NFILZ: variants seen among roughly 807,000 people sequenced by gnomAD.
The protein encoded by NFILZ is NFIL3 like basic leucine zipper.
intron 3 of NFILZ, among the ~76,000 whole-genome samples, chr19:8,660,588 C>T (rs4804323): frequency 1.2e-4 from 15 of 127,530 alleles, no homozygotes; most frequent in Non-Finnish European, 2.3e-4. Context: ...TCCCTCCTTC[C>T]TTCCTTCCTT....
At chr19:8,641,272 G>A (rs1189107103) in intron 3 of NFILZ, among the ~76,000 whole-genome samples, 1 of 151,546 alleles carries the variant, frequency 6.6e-6, no homozygotes, top group Non-Finnish European at 1.5e-5. Context: ...GGCTGGTCTT[G>A]AACTCCCAGG....
At chr19:8,664,039 C>T (rs1226685881) in intron 3 of NFILZ, among the ~76,000 whole-genome samples, 1 of 152,034 alleles carries the variant, frequency 6.6e-6, no homozygotes, top group Non-Finnish European at 1.5e-5. Context: ...GCTCCAAGAC[C>T]GAGATGAATT....
Position 8,654,074 on chromosome 19 carries a change from AC to A in NFILZ, c.-164+18329del, listed in dbSNP as rs1341765959. 1.2e-4 allele frequency among the ~76,000 whole-genome samples: 18 copies of A among 152,214 alleles called. No individual in the cohort carries two copies. In the East Asian group the frequency reaches 3.5e-3, roughly 29 times the overall value. ...GTGAAACCCTGTCTGTACTAAAAAC[AC>A]AAAAAAATTAGCTGAGCATGGTGGC... On this transcript the variant is annotated intron_variant, in intron 3 of 5. Transcript: ENST00000691075.
At chr19:8,649,936 G>A (rs1352013530) in intron 3 of NFILZ, among the ~76,000 whole-genome samples, 3 of 151,630 alleles carry the variant, frequency 2.0e-5, no homozygotes, top group Non-Finnish European at 2.9e-5. Flanking sequence ...CTAACATGGT[G>A]AAACCCCGTC....
At position 8,678,066 on chromosome 19, in the gene NFILZ, A is replaced by T. The variant is rs1450340728; in HGVS notation, c.*431A>T. Among the ~76,000 whole-genome samples the T allele has an allele frequency of 2.0e-4, 1 of 4,938 alleles. No individual in the cohort carries two copies. The highest frequency in any genetic ancestry group is 5.1e-4 in the Non-Finnish European group (1 of 1,948). The allele number at this position is 4,938 out of a possible 152,430, so 3.2% of individuals were successfully genotyped here. On this transcript the variant is annotated 3_prime_UTR_variant, in exon 6 of 6. Transcript: ENST00000691075. The stretch of plus-strand genomic sequence containing the variant: ...CATCCATCCATCCACCCATCTATTC[A>T]TCCATCCATCAATCCATCCATCCAT...
chr19:8,664,665 A>G, intron 3 of NFILZ, among the ~76,000 whole-genome samples: 1 of 152,070 alleles, frequency 6.6e-6, no homozygotes, highest in East Asian at 1.9e-4. Context: ...ACCCCGTGGA[A>G]ATGTGGCCCT....
At chr19:8,672,399 AT>A (rs1465786713) in intron 3 of NFILZ, among the ~76,000 whole-genome samples, 1 of 152,060 alleles carries the variant, frequency 6.6e-6, no homozygotes, top group Non-Finnish European at 1.5e-5. Context: ...ATTCCAAAAA[AT>A]ATTCATGCAT....
chr19:8,653,003 C>CTTT (rs1600145535), intron 3 of NFILZ, among the ~76,000 whole-genome samples: 54 of 41,174 alleles, frequency 1.3e-3, no homozygotes, highest in East Asian at 2.2e-3. Flanking sequence ...TTCCTTCCTT[C>CTTT]CTTCCTTCCT....
intron 2 of NFILZ, among the ~76,000 whole-genome samples, chr19:8,634,983 C>T (rs983017384): frequency 6.6e-6 from 1 of 152,044 alleles, no homozygotes; most frequent in African/African-American, 2.4e-5. Flanking sequence ...ATTTGACAAA[C>T]CACACAACCC....
rs2043111692 is a variant in NFILZ, at chr19:8,676,736, T to A, written c.-15-15T>A. 6.6e-6 allele frequency: 1 copy of A among 152,418 alleles called. No homozygotes were observed. The highest frequency in any genetic ancestry group is 1.5e-5 in the Non-Finnish European group (1 of 68,192). 9.4% of individuals were successfully genotyped at this position (152,418 alleles called of 1,614,324 possible). Reference sequence around the variant, plus strand: ...CCCTTTGCCATTACTCCAAGAACTCTTTCCTTTTTCCCAGGTTCTCCAAGC... The same window carrying A: ...CCCTTTGCCATTACTCCAAGAACTCATTCCTTTTTCCCAGGTTCTCCAAGC... On this transcript the variant is annotated splice_polypyrimidine_tract_variant and intron_variant, in intron 5 of 5. Coordinates refer to ENST00000691075, the MANE Select transcript of NFILZ (RefSeq NM_001378600.1).
At chr19:8,666,620 A>G (rs1336707864) in intron 3 of NFILZ, among the ~76,000 whole-genome samples, 1 of 152,184 alleles carries the variant, frequency 6.6e-6, no homozygotes, top group Admixed American at 6.5e-5. Context: ...TCCCATGGCC[A>G]ATATTGGCTA....
rs2043129166 is a variant in NFILZ, at chr19:8,678,410, A to T, written c.*775A>T. On this transcript the variant is annotated 3_prime_UTR_variant, in exon 6 of 6. Transcript: ENST00000691075. ...CATTCATCCACCCATCCACCTATCT[A>T]TGCATGCATCCATCCATCCTCATCC... Among the ~76,000 whole-genome samples, 1 of 150,866 alleles carries T rather than the reference A, an allele frequency of 6.6e-6. No individual in the cohort carries two copies. The highest frequency in any genetic ancestry group is 1.5e-5 in the Non-Finnish European group (1 of 67,734).
At chr19:8,672,789 A>G (rs1331829142) in intron 3 of NFILZ, among the ~76,000 whole-genome samples, 2 of 152,242 alleles carry the variant, frequency 1.3e-5, no homozygotes, top group East Asian at 1.9e-4. Context: ...ATACTTTTAC[A>G]GGGCCTTCCT....
At chr19:8,632,439 C>G (rs966728632) in intron 1 of NFILZ, 37 bp from the exon 2 acceptor site, 4 of 152,094 alleles carry the variant, frequency 2.6e-5, no homozygotes, top group Non-Finnish European at 5.9e-5. Flanking sequence ...GCACAAGATA[C>G]AGGTCATAAA....
At chr19:8,668,523 A>G (rs1454172847) in intron 3 of NFILZ, among the ~76,000 whole-genome samples, 11 of 152,252 alleles carry the variant, frequency 7.2e-5, no homozygotes, top group African/African-American at 2.6e-4. Context: ...AGCTCTTTCA[A>G]GATTAAACTG....
At chr19:8,671,326 CTGTGT>C (rs1271708277) in intron 3 of NFILZ, among the ~76,000 whole-genome samples, 1 of 152,060 alleles carries the variant, frequency 6.6e-6, no homozygotes, top group Admixed American at 6.6e-5. Flanking sequence ...CCAGCTCTTA[CTGTGT>C]TTTCTTTAAA....
intron 3 of NFILZ, among the ~76,000 whole-genome samples, chr19:8,657,523 G>T (rs2043010475): frequency 6.6e-6 from 1 of 152,054 alleles, no homozygotes; most frequent in African/African-American, 2.4e-5. Context: ...AAGGGGTTGG[G>T]AGTATTTGTT....
intron 3 of NFILZ, among the ~76,000 whole-genome samples, chr19:8,670,954 C>A (rs184581377): frequency 3.6e-4 from 53 of 148,768 alleles, no homozygotes; most frequent in African/African-American, 1.2e-3. Flanking sequence ...GAGATTGCAC[C>A]ACTGCACTCC....
chr19:8,651,090 G>A (rs756067479), intron 3 of NFILZ, among the ~76,000 whole-genome samples: 2 of 152,062 alleles, frequency 1.3e-5, no homozygotes, highest in South Asian at 2.1e-4. Context: ...TAATTGTGAC[G>A]TCCATTACCC....
Sources: gnomAD v4.1 joint callset for allele counts (sites outside exome capture counted in the v4.1 genomes callset) on GRCh38, gnomAD v4.1.1 for gene constraint, MANE v1.5 for transcripts, NCBI Gene and HGNC (gene_info 2026-07-23, HGNC 2026-07-21) for gene names.